LAMA2: variants seen among roughly 807,000 people sequenced by gnomAD.
The protein encoded by LAMA2 is laminin subunit alpha-2.
In LAMA2, 269 loss-of-function variants were observed where a neutral mutation model predicts 364.8. That is an observed-to-expected ratio of 0.74 (90% confidence interval 0.67 to 0.82). LAMA2 has a LOEUF of 0.82. LAMA2 is among the 40% of genes least tolerant of loss of function. LAMA2 has a pLI of 0.00. For missense variants in LAMA2, 3,807 were observed against 3,873.2 expected (o/e 0.98, Z 0.45); for synonymous variants, 1,379 against 1,370.6 (o/e 1.01, Z -0.14).
At chr6:129,042,290 G>A (rs1787156549) in intron 1 of LAMA2, among the ~76,000 whole-genome samples, 1 of 152,070 alleles carries the variant, frequency 6.6e-6, no homozygotes, top group Non-Finnish European at 1.5e-5. Context: ...GGGCAACAGA[G>A]CGAGACTCCA....
chr6:129,370,785 C>T (rs1336260729), intron 34 of LAMA2, among the ~76,000 whole-genome samples: 3 of 152,170 alleles, frequency 2.0e-5, no homozygotes, highest in Non-Finnish European at 4.4e-5. Context: ...TTAACAATGG[C>T]CATACAATTT....
chr6:129,492,226 G>C, intron 57 of LAMA2, 89 bp from the exon 58 acceptor site: 1 of 1,458,108 alleles, frequency 6.9e-7, no homozygotes. Context: ...GCACACTAAT[G>C]GACTTAAAAA....
chr6:129,303,767 G>A (rs1016662380), intron 22 of LAMA2, among the ~76,000 whole-genome samples: 2 of 152,016 alleles, frequency 1.3e-5, no homozygotes, highest in Non-Finnish European at 1.5e-5. Flanking sequence ...AATCCTGCTT[G>A]GCCATGGGGA....
At chr6:129,177,119 G>A (rs1220090536) in intron 9 of LAMA2, among the ~76,000 whole-genome samples, 1 of 151,924 alleles carries the variant, frequency 6.6e-6, no homozygotes, top group Admixed American at 6.5e-5. Context: ...TTGTATTTCT[G>A]TATGTTAAAA....
chr6:128,925,138 A>G (rs1185645415), intron 1 of LAMA2, among the ~76,000 whole-genome samples: 4 of 152,218 alleles, frequency 2.6e-5, no homozygotes, highest in Non-Finnish European at 4.4e-5. Context: ...TAGAATTACA[A>G]TAGGATCCAA....
intron 28 of LAMA2, among the ~76,000 whole-genome samples, chr6:129,321,827 A>T (rs1774986295): frequency 6.6e-6 from 1 of 152,194 alleles, no homozygotes; most frequent in Non-Finnish European, 1.5e-5. Context: ...TCAAAACTGA[A>T]GTGCAACTTA....
At chr6:129,089,325 T>C (rs529539303) in intron 3 of LAMA2, among the ~76,000 whole-genome samples, 1 of 152,364 alleles carries the variant, frequency 6.6e-6, no homozygotes, top group Admixed American at 6.5e-5. Flanking sequence ...ACTAGAGTGA[T>C]TCATTTATGT....
rs201028180 is a variant in LAMA2, at chr6:129,287,814, C to T, written c.2538-33C>T. 3.8e-6 allele frequency: 6 copies of T among 1,571,260 alleles called. No homozygotes were observed. The Admixed American group carries it at 5.0e-5, about 13-fold the overall frequency. ...AAACATTGCCCCAACTGAGGTCCCCCCAAAGGCTCACTGATGAAATTTCTT... is the reference window on the plus strand; with the variant it reads ...AAACATTGCCCCAACTGAGGTCCCCTCAAAGGCTCACTGATGAAATTTCTT... On this transcript the variant is annotated intron_variant, in intron 18 of 64. Transcript: ENST00000421865.
Position 129,366,478 on chromosome 6 carries a change from G to A in LAMA2, c.4860+117G>A, listed in dbSNP as rs1777786369. 5 of 1,128,342 alleles carry A rather than the reference G, an allele frequency of 4.4e-6. No homozygotes were observed. In the South Asian group the frequency reaches 6.6e-5, roughly 15 times the overall value. 69.9% of individuals were successfully genotyped at this position (1,128,342 alleles called of 1,614,324 possible). ...CAGCCCCAAATCAAGGGACACAACT[G>A]TTAGGGAAATTCAGAGACTTTCTTA... On this transcript the variant is annotated intron_variant, in intron 33 of 64. Transcript: ENST00000421865.
chr6:129,409,824 G>C, intron 40 of LAMA2, among the ~76,000 whole-genome samples: 1 of 152,222 alleles, frequency 6.6e-6, no homozygotes, highest in East Asian at 1.9e-4. Context: ...ACTTGTTGCA[G>C]AGCCCACTTA....
At chr6:128,929,209 G>C in intron 1 of LAMA2, 1 of 1,491,528 alleles carries the variant, frequency 6.7e-7, no homozygotes, top group Non-Finnish European at 9.3e-7. Context: ...CTCCCACCCA[G>C]CGCCTTCTGA....
chr6:129,212,273 T>C (rs1042972644), intron 12 of LAMA2, among the ~76,000 whole-genome samples: 1 of 152,176 alleles, frequency 6.6e-6, no homozygotes, highest in African/African-American at 2.4e-5. Flanking sequence ...TTTGGATATT[T>C]ACATAGAAAC....
rs769093977 is a variant in LAMA2 at position 129,316,080 on chromosome 6, A to G, written c.3967A>G (p.Thr1323Ala). 1 of 1,612,552 alleles carries G rather than the reference A, an allele frequency of 6.2e-7. No individual in the cohort carries two copies. The highest frequency in any genetic ancestry group is 2.2e-5 in the East Asian group (1 of 44,880). ...TGGGGATGATCCTCGAGTCCATAGAACTGTGACCCGAGAAGACTTCTTGGA... is the reference window on the plus strand; with the variant it reads ...TGGGGATGATCCTCGAGTCCATAGAGCTGTGACCCGAGAAGACTTCTTGGA... ...YYGDDPRVHR[T>A]VTREDFLDIL... Residue 1323 changes from threonine (T) to alanine (A), a missense_variant, in exon 27 of 65, where the codon ACT (threonine) becomes GCT (alanine). Physicochemically the swap from Thr to Ala is moderately conservative, Grantham distance 58. Around this residue, in one of 3 missense-constraint regions of LAMA2, gnomAD observed 3,333 missense variants for 3,345.7 expected, o/e 1.00. Transcript: ENST00000421865.
At chr6:129,054,268 C>T (rs1788309146) in intron 2 of LAMA2, among the ~76,000 whole-genome samples, 1 of 152,078 alleles carries the variant, frequency 6.6e-6, no homozygotes, top group Admixed American at 6.6e-5. Context: ...AATAAAGAAT[C>T]AAACGTGTGG....
At chr6:129,159,426 C>T (rs751495067) in intron 8 of LAMA2, among the ~76,000 whole-genome samples, 7 of 152,202 alleles carry the variant, frequency 4.6e-5, no homozygotes, top group Non-Finnish European at 8.8e-5. Context: ...TGCCAGCGTG[C>T]CGAGGCGCAG....
chr6:128,908,433 A>G (rs1319594958), intron 1 of LAMA2, among the ~76,000 whole-genome samples: 2 of 149,720 alleles, frequency 1.3e-5, no homozygotes, highest in African/African-American at 2.4e-5. Flanking sequence ...AGAGGTGTTT[A>G]TAGTATTCTC....
At chr6:129,121,997 G>A (rs905898054) in intron 4 of LAMA2, among the ~76,000 whole-genome samples, 6 of 152,002 alleles carry the variant, frequency 3.9e-5, no homozygotes, top group South Asian at 2.1e-4. Flanking sequence ...GATGCCTATT[G>A]CAAAATTACA....
At chr6:129,501,117 G>T (rs886807697) in intron 58 of LAMA2, among the ~76,000 whole-genome samples, 1 of 152,180 alleles carries the variant, frequency 6.6e-6, no homozygotes, top group African/African-American at 2.4e-5. Flanking sequence ...TGTTTATCGA[G>T]ACGGTCCTCT....
chr6:129,228,501 A>T (rs548041379), intron 12 of LAMA2, among the ~76,000 whole-genome samples: 22 of 152,274 alleles, frequency 1.4e-4, no homozygotes, highest in Admixed American at 9.8e-4. Context: ...TATTGTTGAG[A>T]GTGAAGGGAG....
Sources: gnomAD v4.1 joint callset for allele counts (sites outside exome capture counted in the v4.1 genomes callset) on GRCh38, gnomAD v4.1.1 for gene constraint, gnomAD v4.1.1 regional missense constraint, MANE v1.5 for transcripts, NCBI Gene and HGNC (gene_info 2026-07-23, HGNC 2026-07-21) for gene names.